The following G2E3 variants were observed in gnomAD, a reference collection of about 807,000 sequenced individuals.
G2E3 encodes the protein G2/M-phase specific E3 ubiquitin protein ligase.
G2E3 carries 35 observed loss-of-function variants against 92.8 expected under a neutral mutation model. The observed-to-expected ratio is 0.38, with a 90% confidence interval of 0.29 to 0.50. G2E3 has a LOEUF of 0.50. G2E3 is among the 20% of genes least tolerant of loss of function. The pLI is 0.94. For synonymous variants in G2E3, 242 were observed against 272.4 expected (o/e 0.89, Z 1.10); for missense variants, 554 against 823.8 (o/e 0.67, Z 4.01).
chr14:30,588,914 C>T (rs756701000), intron 3 of G2E3, among the ~76,000 whole-genome samples: 3 of 152,090 alleles, frequency 2.0e-5, no homozygotes, highest in Non-Finnish European at 4.4e-5. Flanking sequence ...AACTAGGGTT[C>T]AATAGGTTTT....
chr14:30,597,273 G>A (rs1474357445), intron 6 of G2E3, 147 bp from the exon 7 acceptor site: 1 of 588,936 alleles, frequency 1.7e-6, no homozygotes, highest in African/African-American at 1.9e-5. Flanking sequence ...GGATAACTTA[G>A]TTTATAAGGA....
At chr14:30,610,265 AGAT>A (rs1882024728) in intron 12 of G2E3, among the ~76,000 whole-genome samples, 1 of 152,232 alleles carries the variant, frequency 6.6e-6, no homozygotes, top group South Asian at 2.1e-4. Context: ...AGAACACAGA[AGAT>A]AAACAACAAA....
Position 30,593,615 on chromosome 14 carries a change from T to C in G2E3, c.504T>C (p.Ala168=), listed in dbSNP as rs1196594088. 1 of 1,608,360 alleles carries C rather than the reference T, an allele frequency of 6.2e-7. No homozygotes were observed. Among genetic ancestry groups the C allele is most frequent in the Non-Finnish European group, 8.5e-7 (1 of 1,175,414 alleles). ...NILRSPCCKN[A]WFHRDCLQVQ... ...TACGAAGTCCTTGTTGTAAGAACGCTTGGTTTCATAGAGACTGTTTACAGG... is the reference window on the plus strand; with the variant it reads ...TACGAAGTCCTTGTTGTAAGAACGCCTGGTTTCATAGAGACTGTTTACAGG... Residue 168 remains alanine, a synonymous_variant, in exon 6 of 15, where the codon GCT becomes GCC. Transcript: ENST00000206595.
chr14:30,600,781 A>G (rs765738124), intron 8 of G2E3, among the ~76,000 whole-genome samples: 18 of 152,146 alleles, frequency 1.2e-4, no homozygotes, highest in Non-Finnish European at 2.2e-4. Context: ...AGATAAACTG[A>G]AATGGAATCC....
chr14:30,570,866 G>A (rs1467114771), intron 1 of G2E3, among the ~76,000 whole-genome samples: 1 of 152,072 alleles, frequency 6.6e-6, no homozygotes, highest in Non-Finnish European at 1.5e-5. Flanking sequence ...AAAATATATT[G>A]TGGATCTAAC....
At chr14:30,574,102 C>G (rs1879933011) in intron 1 of G2E3, among the ~76,000 whole-genome samples, 1 of 152,128 alleles carries the variant, frequency 6.6e-6, no homozygotes, top group East Asian at 1.9e-4. Flanking sequence ...TTTCCACATT[C>G]ACTTTATCAT....
chr14:30,598,946 G>A (rs990936137), intron 8 of G2E3, among the ~76,000 whole-genome samples: 1 of 152,116 alleles, frequency 6.6e-6, no homozygotes, highest in African/African-American at 2.4e-5. Flanking sequence ...GTTCACTAGG[G>A]CTGCCATTAA....
At chr14:30,608,609 T>C (rs1195117549) in intron 12 of G2E3, among the ~76,000 whole-genome samples, 2 of 152,234 alleles carry the variant, frequency 1.3e-5, no homozygotes, top group Non-Finnish European at 2.9e-5. Flanking sequence ...AAATAGTTCA[T>C]TTATTCAGCA....
At chr14:30,605,360 A>G in intron 10 of G2E3, 145 bp from the exon 11 acceptor site, 1 of 444,564 alleles carries the variant, frequency 2.2e-6, no homozygotes, top group Non-Finnish European at 4.0e-6. Flanking sequence ...AGTAGCAGCC[A>G]TTGTTACAAT....
chr14:30,589,619 G>C, intron 4 of G2E3, 135 bp downstream of exon 4: 1 of 567,628 alleles, frequency 1.8e-6, no homozygotes, highest in South Asian at 2.6e-5. Context: ...ATTTAAATAT[G>C]GTAAGTTTTA....
intron 1 of G2E3, among the ~76,000 whole-genome samples, chr14:30,564,746 C>T (rs1271052863): frequency 6.6e-6 from 1 of 152,194 alleles, no homozygotes; most frequent in Non-Finnish European, 1.5e-5. Flanking sequence ...TGACTTCCCT[C>T]ATTTAATATA....
At chr14:30,615,167 C>A (rs972791082) in intron 13 of G2E3, among the ~76,000 whole-genome samples, 182 bp from the exon 14 acceptor site, 1 of 152,086 alleles carries the variant, frequency 6.6e-6, no homozygotes, top group South Asian at 2.1e-4. Context: ...TGTAGTATAT[C>A]CATATCTTCT....
chr14:30,612,297 A>G lies in G2E3; in HGVS notation c.1591A>G (p.Thr531Ala). ...LELIGCLRLI[T>A]TLSDKYMLVK... ...GTTAATTGGATGTCTCAGACTTATA[A>G]CGACATTAAGTGATAAATATATGTT... is the stretch of plus-strand genomic sequence containing the variant. The change falls in exon 13 of 15, where the codon ACG becomes GCG. Residue 531 changes from threonine to alanine, a missense_variant. Physicochemically the swap from Thr to Ala is moderately conservative, Grantham distance 58. Transcript: ENST00000206595. 1.2e-6 allele frequency: 2 copies of G among 1,604,634 alleles called. No homozygotes were observed. The highest frequency in any genetic ancestry group is 1.7e-6 in the Non-Finnish European group (2 of 1,171,826).
rs115403832 is a variant in G2E3, at chr14:30,577,404, A to G, written c.-4-3672A>G. Among the ~76,000 whole-genome samples the G allele has an allele frequency of 2.8e-3, 427 of 152,250 alleles. 1 individual carries two copies. The highest frequency in any genetic ancestry group is 9.9e-3 in the African/African-American group (410 of 41,544). On this transcript the variant is annotated intron_variant, in intron 1 of 14. Coordinates refer to ENST00000206595, the MANE Select transcript of G2E3 (RefSeq NM_017769.5). ...TGCTGGTTTTAAACAATAAACATTTAATTACTGATAGTTTCTGTTGATCAG... is the reference window on the plus strand; with the variant it reads ...TGCTGGTTTTAAACAATAAACATTTGATTACTGATAGTTTCTGTTGATCAG...
chr14:30,581,234 A>T (rs2138818483), intron 2 of G2E3, 118 bp downstream of exon 2: 4 of 648,222 alleles, frequency 6.2e-6, no homozygotes, highest in South Asian at 3.6e-5. Flanking sequence ...ATGTCCACAT[A>T]CTAAAGTATA....
intron 6 of G2E3, among the ~76,000 whole-genome samples, chr14:30,595,660 G>T (rs1881242590): frequency 6.6e-6 from 1 of 152,208 alleles, no homozygotes; most frequent in Non-Finnish European, 1.5e-5. Context: ...GCATACTAAG[G>T]ATGGGGCTAA....
intron 1 of G2E3, among the ~76,000 whole-genome samples, chr14:30,568,854 C>T (rs1478460090): frequency 1.3e-5 from 2 of 152,032 alleles, no homozygotes; most frequent in Non-Finnish European, 2.9e-5. Context: ...ATACTACTGG[C>T]TTTTATATTT....
chr14:30,589,634 G>A (rs1372753615), intron 4 of G2E3, 150 bp downstream of exon 4: 1 of 548,638 alleles, frequency 1.8e-6, no homozygotes, highest in Non-Finnish European at 3.2e-6. Flanking sequence ...GTTTTAGGAG[G>A]ACAGTTTATA....
At chr14:30,597,084 T>G (rs1881326033) in intron 6 of G2E3, among the ~76,000 whole-genome samples, 2 of 152,240 alleles carry the variant, frequency 1.3e-5, no homozygotes, top group Admixed American at 1.3e-4. Flanking sequence ...ATGAGGTAAC[T>G]CAGGAGTTTC....
Sources: gnomAD v4.1 joint callset for allele counts (sites outside exome capture counted in the v4.1 genomes callset) on GRCh38, gnomAD v4.1.1 for gene constraint, MANE v1.5 for transcripts, NCBI Gene and HGNC (gene_info 2026-07-23, HGNC 2026-07-21) for gene names.